The following CELF4 variants were observed in gnomAD, a reference collection of about 807,000 sequenced individuals.
CELF4 encodes CUGBP Elav-like family member 4.
CELF4 carries 18 observed loss-of-function variants against 59.9 expected under a neutral mutation model. That is an observed-to-expected ratio of 0.30 (90% CI 0.21 to 0.45). CELF4 has a LOEUF of 0.45. Ranked by LOEUF, CELF4 falls within the 20% of genes least tolerant of loss-of-function variation. The probability of loss-of-function intolerance (pLI) is 1.00; values close to 1 mark genes in which losing one functional copy is unlikely to be tolerated. For synonymous variants in CELF4, 261 were observed against 267.1 expected, an observed-to-expected ratio of 0.98 and a Z score of 0.22; for missense variants, 456 against 689.0, an observed-to-expected ratio of 0.66 and a Z score of 3.79.
chr18:37,351,696 C>T (rs1391403393), intron 2 of CELF4, among the ~76,000 whole-genome samples: 3 of 151,484 alleles, frequency 2.0e-5, no homozygotes, highest in Non-Finnish European at 4.4e-5. Flanking sequence ...CTGCAGCCTC[C>T]ACCTCCCAGG....
intron 2 of CELF4, among the ~76,000 whole-genome samples, chr18:37,398,816 C>G (rs1022415967): frequency 1.3e-5 from 2 of 152,152 alleles, no homozygotes; most frequent in Admixed American, 6.5e-5. Flanking sequence ...TTGGACAAAT[C>G]CCTTCTCCTG....
intron 10 of CELF4, 97 bp downstream of exon 10, chr18:37,264,577 C>A: frequency 9.6e-7 from 1 of 1,038,016 alleles, no homozygotes; most frequent in Non-Finnish European, 1.4e-6. Flanking sequence ...AACGTGGTCA[C>A]CTTTCCAACG....
chr18:37,544,482 A>G (rs1370445748), intron 1 of CELF4, among the ~76,000 whole-genome samples: 2 of 152,154 alleles, frequency 1.3e-5, no homozygotes, highest in Admixed American at 1.3e-4. Context: ...GGTGCTGAGC[A>G]GGGGAATGAC....
At chr18:37,367,251 G>C (rs2098796792) in intron 2 of CELF4, among the ~76,000 whole-genome samples, 1 of 152,092 alleles carries the variant, frequency 6.6e-6, no homozygotes, top group Admixed American at 6.6e-5. Context: ...GGAGAGCATG[G>C]AGCAGGTGGA....
chr18:37,474,751 T>A (rs923855925), intron 2 of CELF4, among the ~76,000 whole-genome samples: 1 of 152,350 alleles, frequency 6.6e-6, no homozygotes, highest in African/African-American at 2.4e-5. Flanking sequence ...TGATCTGCTC[T>A]CTTATTTGGG....
intron 2 of CELF4, among the ~76,000 whole-genome samples, chr18:37,419,964 G>T (rs924465137): frequency 3.9e-5 from 6 of 152,234 alleles, no homozygotes; most frequent in Non-Finnish European, 7.3e-5. Flanking sequence ...GGCCACTCCG[G>T]GGTTCTGGCA....
chr18:37,535,919 C>A (rs1485889611), intron 1 of CELF4, among the ~76,000 whole-genome samples: 5 of 152,190 alleles, frequency 3.3e-5, no homozygotes, highest in Non-Finnish European at 7.3e-5. Flanking sequence ...TGTGGCTGAA[C>A]AACAAATGTT....
intron 2 of CELF4, among the ~76,000 whole-genome samples, chr18:37,351,925 C>T (rs1396018240): frequency 6.6e-6 from 1 of 152,102 alleles, no homozygotes; most frequent in Non-Finnish European, 1.5e-5. Flanking sequence ...GGCCCAGAAA[C>T]ACAGCTTTCA....
At chr18:37,406,285 C>T (rs565858688) in intron 2 of CELF4, among the ~76,000 whole-genome samples, 3 of 152,168 alleles carry the variant, frequency 2.0e-5, no homozygotes, top group African/African-American at 7.2e-5. Flanking sequence ...CCTCGGAGCC[C>T]CACACATGCA....
At chr18:37,290,311 T>C (rs2095248261) in intron 3 of CELF4, among the ~76,000 whole-genome samples, 1 of 152,222 alleles carries the variant, frequency 6.6e-6, no homozygotes, top group Admixed American at 6.5e-5. Context: ...TCCACAGGTA[T>C]ATGTGACTAT....
In CELF4 at chr18:37,435,205, C is replaced by T. The variant is rs180797999; in HGVS notation, c.369+50320G>A. On this transcript the variant is annotated intron_variant, in intron 2 of 12. Coordinates refer to ENST00000420428, the MANE Select transcript of CELF4 (RefSeq NM_020180.4). ...ACCCCGTTTTTTAGCTCAGCTGAGA[C>T]AGGTGGAATTTTTCCAGTTCTACTT... 1.6e-4 allele frequency among the ~76,000 whole-genome samples: 25 copies of T among 152,268 alleles called. No individual in the cohort carries two copies. In the East Asian group the frequency reaches 4.6e-3, roughly 28 times the overall value.
At chr18:37,367,041 A>G (rs748817920) in intron 2 of CELF4, among the ~76,000 whole-genome samples, 33 of 152,222 alleles carry the variant, frequency 2.2e-4, no homozygotes, top group Non-Finnish European at 3.8e-4. Flanking sequence ...GCATCCCAGA[A>G]GCCTTAACCT....
intron 2 of CELF4, among the ~76,000 whole-genome samples, chr18:37,408,630 A>AC: frequency 6.6e-6 from 1 of 152,022 alleles, no homozygotes; most frequent in East Asian, 1.9e-4. Context: ...AGTTGGGAAG[A>AC]CCCAGTTCTC....
At chr18:37,496,891 T>A (rs1376462162) in intron 1 of CELF4, among the ~76,000 whole-genome samples, 1 of 152,170 alleles carries the variant, frequency 6.6e-6, no homozygotes, top group Non-Finnish European at 1.5e-5. Flanking sequence ...CCAGCCTCAA[T>A]GAGTCAATCC....
chr18:37,523,704 A>C (rs4799934), intron 1 of CELF4, among the ~76,000 whole-genome samples: 135,547 of 152,258 alleles, frequency 0.89, 60,792 homozygotes, highest in East Asian at 0.97. Context: ...ACTTACGGAG[A>C]TTTCTAGGCT....
intron 2 of CELF4, among the ~76,000 whole-genome samples, chr18:37,375,560 C>T (rs2098958834): frequency 6.6e-6 from 1 of 152,188 alleles, no homozygotes; most frequent in Admixed American, 6.5e-5. Flanking sequence ...TAACCCTCCC[C>T]ACCCCTGTGA....
At chr18:37,469,628 C>T (rs1332360253) in intron 2 of CELF4, among the ~76,000 whole-genome samples, 1 of 152,140 alleles carries the variant, frequency 6.6e-6, no homozygotes, top group Non-Finnish European at 1.5e-5. Context: ...CTCAGTTTAT[C>T]CTAAAAGAAA....
chr18:37,565,240 C>G (rs1319396369), intron 1 of CELF4, 116 bp downstream of exon 1: 13 of 1,219,894 alleles, frequency 1.1e-5, no homozygotes, highest in Non-Finnish European at 1.0e-5. Context: ...CCCTCCACCG[C>G]GCCCGCCCGA....
intron 2 of CELF4, among the ~76,000 whole-genome samples, chr18:37,366,161 G>A (rs1331815125): frequency 6.6e-6 from 1 of 152,196 alleles, no homozygotes; most frequent in Non-Finnish European, 1.5e-5. Flanking sequence ...ACCATGCTGA[G>A]GAGGATGGTC....
Sources: gnomAD v4.1 joint callset for allele counts (sites outside exome capture counted in the v4.1 genomes callset) on GRCh38, gnomAD v4.1.1 for gene constraint, MANE v1.5 for transcripts, NCBI Gene and HGNC (gene_info 2026-07-23, HGNC 2026-07-21) for gene names.